The following BANK1 variants were observed in gnomAD, a reference collection of about 807,000 sequenced individuals.
BANK1 encodes B-cell scaffold protein with ankyrin repeats.
BANK1 carries 95 observed loss-of-function variants against 94.5 expected under a neutral mutation model. The observed-to-expected ratio is 1.00, with a 90% CI of 0.85 to 1.19. The LOEUF (loss-of-function observed/expected upper bound fraction) is 1.19, where lower values mean the gene tolerates loss of function less well. BANK1 is among the 50% of genes most tolerant of loss of function. BANK1 has a pLI of 0.00. For missense variants in BANK1, 987 were observed against 932.2 expected, an observed-to-expected ratio of 1.06 and a Z score of -0.77; for synonymous variants, 334 against 308.4, an observed-to-expected ratio of 1.08 and a Z score of -0.87.
At chr4:102,007,914 C>T (rs546447185) in intron 7 of BANK1, among the ~76,000 whole-genome samples, 2 of 152,104 alleles carry the variant, frequency 1.3e-5, no homozygotes, top group African/African-American at 4.8e-5. Flanking sequence ...CACTATTAGT[C>T]AAAGCTAGAG....
chr4:102,045,675 G>A (rs996150528), intron 11 of BANK1, among the ~76,000 whole-genome samples: 33 of 151,764 alleles, frequency 2.2e-4, no homozygotes, highest in Admixed American at 1.3e-4. Context: ...CAAATCATGA[G>A]TGAACTCCCA....
chr4:101,868,642 C>T (rs958621727), intron 4 of BANK1, among the ~76,000 whole-genome samples: 3 of 151,906 alleles, frequency 2.0e-5, no homozygotes, highest in Non-Finnish European at 4.4e-5. Flanking sequence ...TAATTTTACT[C>T]TCTTCTATTT....
At chr4:101,796,921 A>C (rs902850676) in intron 1 of BANK1, among the ~76,000 whole-genome samples, 11 of 152,158 alleles carry the variant, frequency 7.2e-5, no homozygotes, top group Non-Finnish European at 1.2e-4. Context: ...GAGATATAAA[A>C]CTAGGGATTA....
intron 11 of BANK1, among the ~76,000 whole-genome samples, chr4:102,056,686 A>G (rs1728237867): frequency 2.0e-5 from 3 of 152,132 alleles, no homozygotes; most frequent in African/African-American, 7.2e-5. Context: ...AAAAAAAATC[A>G]TGTTCTAAAA....
In BANK1 at chr4:101,895,304, G is replaced by T. The variant is rs776107714; in HGVS notation, c.904-1G>T. The T allele has an allele frequency of 6.5e-7, 1 of 1,546,064 alleles. No homozygotes were observed. The highest frequency in any genetic ancestry group is 1.9e-5 in the Admixed American group (1 of 51,648). ...AAATTTTCTTTTTCACTTGAAAACA[G>T]AATAGCATTGAAGAACTTGATGGTG... On this transcript the variant is annotated splice_acceptor_variant, in intron 5 of 16. Transcript: ENST00000322953. LOFTEE classifies it high-confidence loss of function.
intron 11 of BANK1, among the ~76,000 whole-genome samples, chr4:102,047,363 CAT>C (rs1341047858): frequency 1.3e-5 from 2 of 152,068 alleles, no homozygotes; most frequent in Non-Finnish European, 2.9e-5. Flanking sequence ...TGTAAATTTA[CAT>C]GCAAAAAACT....
chr4:101,799,310 C>T (rs1283521677), intron 1 of BANK1, among the ~76,000 whole-genome samples: 2 of 152,070 alleles, frequency 1.3e-5, no homozygotes, highest in Non-Finnish European at 2.9e-5. Flanking sequence ...TGTTCTGTTC[C>T]ATTGGTCTAT....
intron 7 of BANK1, among the ~76,000 whole-genome samples, chr4:101,924,569 GC>G: frequency 6.6e-6 from 1 of 151,758 alleles, no homozygotes; most frequent in East Asian, 1.9e-4. Context: ...AGCCTCCACA[GC>G]AGTATAATCA....
At chr4:102,039,178 A>G (rs1205696856) in intron 10 of BANK1, among the ~76,000 whole-genome samples, 3 of 152,118 alleles carry the variant, frequency 2.0e-5, no homozygotes, top group Non-Finnish European at 4.4e-5. Flanking sequence ...TTTTTATACT[A>G]TGTGGCTGAT....
intron 1 of BANK1, chr4:101,813,745 T>C (rs981365387): frequency 2.0e-5 from 6 of 299,906 alleles, no homozygotes; most frequent in East Asian, 3.5e-4. Context: ...TTATGTTTAC[T>C]GTGAACATAG....
intron 12 of BANK1, among the ~76,000 whole-genome samples, chr4:102,061,248 A>G (rs1728409025): frequency 6.6e-6 from 1 of 152,246 alleles, no homozygotes; most frequent in African/African-American, 2.4e-5. Context: ...ACAATAAAAA[A>G]GAATCAAAAT....
At chr4:101,811,418 A>C (rs186134616) in intron 1 of BANK1, among the ~76,000 whole-genome samples, 15 of 152,226 alleles carry the variant, frequency 9.9e-5, no homozygotes, top group Admixed American at 7.2e-4. Flanking sequence ...TTTAAAAGCT[A>C]CTCTCTTATA....
At chr4:101,876,259 G>C (rs995357678) in intron 5 of BANK1, among the ~76,000 whole-genome samples, 9 of 152,206 alleles carry the variant, frequency 5.9e-5, no homozygotes, top group Non-Finnish European at 1.2e-4. Flanking sequence ...CACATTCCCA[G>C]CTGTAGTGGC....
At chr4:101,987,188 G>T (rs1725536061) in intron 7 of BANK1, among the ~76,000 whole-genome samples, 1 of 151,490 alleles carries the variant, frequency 6.6e-6, no homozygotes, top group African/African-American at 2.4e-5. Flanking sequence ...CACTTTCCCA[G>T]TCCATGTAAG....
chr4:101,852,804 A>C (rs1002194848), intron 2 of BANK1, among the ~76,000 whole-genome samples: 1 of 152,014 alleles, frequency 6.6e-6, no homozygotes, highest in Admixed American at 6.6e-5. Flanking sequence ...GTGAATATTC[A>C]TAGAGATAAA....
rs1213615052 is a variant in BANK1, at chr4:102,074,485, T to C, written c.*486T>C. 1 of 152,072 alleles carries C rather than the reference T, an allele frequency of 6.6e-6. No individual in the cohort carries two copies. The highest frequency in any genetic ancestry group is 1.5e-5 in the Non-Finnish European group (1 of 67,910). 9.4% of individuals were successfully genotyped at this position (152,072 alleles called of 1,614,324 possible). On this transcript the variant is annotated 3_prime_UTR_variant, in exon 17 of 17. Transcript: ENST00000322953. ...TCACATTCAGAGTTCCAGTCATTAT[T>C]GTTACATCATGTTTGCAGAAACCTT... is the stretch of plus-strand genomic sequence containing the variant.
chr4:101,877,922 G>A (rs1223095939), intron 5 of BANK1, among the ~76,000 whole-genome samples: 2 of 151,862 alleles, frequency 1.3e-5, no homozygotes, highest in Non-Finnish European at 2.9e-5. Context: ...AATCCTCTTG[G>A]TTACTTCAAA....
At chr4:101,864,998 C>A (rs1014751387) in intron 4 of BANK1, among the ~76,000 whole-genome samples, 1 of 152,004 alleles carries the variant, frequency 6.6e-6, no homozygotes, top group African/African-American at 2.4e-5. Context: ...GTTTCTATGA[C>A]CTGCCTTGGG....
In BANK1 at chr4:101,999,239, T is replaced by A. The variant is rs551134541; in HGVS notation, c.1207-22275T>A. ...GCTCATGCCCTCCAGTTTGGGCATATTTTGATGAATTATTTTGTGAAAATT... is the reference window on the plus strand; with the variant it reads ...GCTCATGCCCTCCAGTTTGGGCATAATTTGATGAATTATTTTGTGAAAATT... On this transcript the variant is annotated intron_variant, in intron 7 of 16. Coordinates refer to ENST00000322953, the MANE Select transcript of BANK1 (RefSeq NM_017935.5). Among the ~76,000 whole-genome samples the A allele has an allele frequency of 5.9e-5, 9 of 152,308 alleles. No homozygotes were observed. The East Asian group carries it at 1.5e-3, about 26-fold the overall frequency.
Sources: gnomAD v4.1 joint callset for allele counts (sites outside exome capture counted in the v4.1 genomes callset) on GRCh38, gnomAD v4.1.1 for gene constraint, MANE v1.5 for transcripts, NCBI Gene and HGNC (gene_info 2026-07-23, HGNC 2026-07-21) for gene names.